Variants in SEMA5A observed in about 807,000 individuals in gnomAD.
The protein encoded by SEMA5A is semaphorin-5A.
A neutral mutation model predicts 135.5 loss-of-function variants in SEMA5A; 55 were observed. The observed-to-expected ratio is 0.41, with a 90% CI of 0.33 to 0.51. The LOEUF (loss-of-function observed/expected upper bound fraction) is 0.51, where lower values mean the gene tolerates loss of function less well. Ranked by LOEUF, SEMA5A falls within the 20% of genes least tolerant of loss-of-function variation. The pLI is 0.37. For synonymous variants in SEMA5A, 580 were observed against 546.5 expected (o/e 1.06, Z -0.85); for missense variants, 1,290 against 1,419.9 (o/e 0.91, Z 1.47).
intron 11 of SEMA5A, among the ~76,000 whole-genome samples, chr5:9,178,342 T>C (rs1744318224): frequency 6.7e-6 from 1 of 150,280 alleles, no homozygotes; most frequent in African/African-American, 2.5e-5. Context: ...TTTTTTTTTT[T>C]TTTTTGTTGA....
chr5:9,181,570 CT>C (rs939484947), intron 11 of SEMA5A, among the ~76,000 whole-genome samples: 28 of 152,112 alleles, frequency 1.8e-4, no homozygotes, highest in African/African-American at 6.8e-4. Flanking sequence ...CCCTTTGGTG[CT>C]TTATTTTGAG....
intron 1 of SEMA5A, among the ~76,000 whole-genome samples, chr5:9,477,037 T>C (rs1335821443): frequency 6.6e-6 from 1 of 152,158 alleles, no homozygotes; most frequent in Admixed American, 6.5e-5. Context: ...TAGGAGATGA[T>C]TGGATCCTGG....
At chr5:9,531,218 C>A (rs1029945014) in intron 1 of SEMA5A, among the ~76,000 whole-genome samples, 2 of 152,140 alleles carry the variant, frequency 1.3e-5, no homozygotes, top group African/African-American at 2.4e-5. Context: ...AGAGAGGTGA[C>A]CAGCTCCAAA....
At chr5:9,044,088 T>C (rs1393061709) in intron 22 of SEMA5A, among the ~76,000 whole-genome samples, 1 of 152,076 alleles carries the variant, frequency 6.6e-6, no homozygotes, top group African/African-American at 2.4e-5. Flanking sequence ...TTGTGGATCT[T>C]GGTTTAAGCA....
At chr5:9,329,801 G>C (rs768989778) in intron 4 of SEMA5A, among the ~76,000 whole-genome samples, 2 of 152,080 alleles carry the variant, frequency 1.3e-5, no homozygotes, top group Non-Finnish European at 2.9e-5. Context: ...AGACCACCTC[G>C]AGTGCCAAAA....
intron 5 of SEMA5A, among the ~76,000 whole-genome samples, chr5:9,271,164 T>C (rs893169767): frequency 3.3e-5 from 5 of 152,076 alleles, no homozygotes; most frequent in African/African-American, 9.7e-5. Flanking sequence ...TTTAAAAGCA[T>C]GTGGCACTCC....
intron 1 of SEMA5A, among the ~76,000 whole-genome samples, chr5:9,534,178 T>C (rs1737616094): frequency 6.6e-6 from 1 of 152,198 alleles, no homozygotes. Flanking sequence ...CACTGGGCCC[T>C]GAGGGCCTCC....
intron 3 of SEMA5A, among the ~76,000 whole-genome samples, chr5:9,338,922 A>G (rs1350455382): frequency 5.9e-5 from 9 of 152,184 alleles, no homozygotes; most frequent in Non-Finnish European, 1.0e-4. Context: ...GGTTCTGTAT[A>G]ATAAACATGT....
intron 5 of SEMA5A, among the ~76,000 whole-genome samples, chr5:9,244,889 TG>T (rs561642396): frequency 7.8e-4 from 119 of 152,236 alleles, no homozygotes; most frequent in Middle Eastern, 3.4e-3. Context: ...GCCCTGACAC[TG>T]GGAAGAAGAA....
At chr5:9,428,171 T>G (rs1175194510) in intron 2 of SEMA5A, among the ~76,000 whole-genome samples, 1 of 150,406 alleles carries the variant, frequency 6.6e-6, no homozygotes, top group Non-Finnish European at 1.5e-5. Flanking sequence ...TATCTATCCA[T>G]CCATCCATCC....
intron 5 of SEMA5A, among the ~76,000 whole-genome samples, chr5:9,293,973 T>C (rs4429819): frequency 0.88 from 133,813 of 152,216 alleles, 59,952 homozygotes; most frequent in East Asian, 0.97. Flanking sequence ...ATACAGTTAT[T>C]CTCCATGACT....
intron 5 of SEMA5A, among the ~76,000 whole-genome samples, chr5:9,297,073 A>G (rs1751372273): frequency 6.6e-6 from 1 of 152,068 alleles, no homozygotes; most frequent in South Asian, 2.1e-4. Context: ...ATGAGAAAAT[A>G]CATGAAAACA....
At chr5:9,345,675 C>G (rs897493621) in intron 3 of SEMA5A, among the ~76,000 whole-genome samples, 2 of 152,186 alleles carry the variant, frequency 1.3e-5, no homozygotes, top group African/African-American at 4.8e-5. Flanking sequence ...ACTCAGCAAG[C>G]ATCCTCCTTC....
At chr5:9,170,961 T>C (rs1161244957) in intron 11 of SEMA5A, among the ~76,000 whole-genome samples, 2 of 151,932 alleles carry the variant, frequency 1.3e-5, no homozygotes, top group Non-Finnish European at 2.9e-5. Flanking sequence ...GACCTACATA[T>C]TGGTTGGGTC....
At chr5:9,382,704 C>G (rs1755668890) in intron 2 of SEMA5A, among the ~76,000 whole-genome samples, 1 of 152,160 alleles carries the variant, frequency 6.6e-6, no homozygotes, top group African/African-American at 2.4e-5. Flanking sequence ...TGAGTGACAA[C>G]TGCATACTCA....
At chr5:9,153,455 G>C (rs1000839246) in intron 12 of SEMA5A, among the ~76,000 whole-genome samples, 1 of 152,156 alleles carries the variant, frequency 6.6e-6, no homozygotes, top group Non-Finnish European at 1.5e-5. Context: ...GTTGATCGTG[G>C]ATGTCCCACG....
chr5:9,335,178 C>T (rs1483962144), intron 4 of SEMA5A, among the ~76,000 whole-genome samples: 2 of 152,036 alleles, frequency 1.3e-5, no homozygotes, highest in East Asian at 3.9e-4. Context: ...GAGATAGAGA[C>T]TTCCAGGAAT....
In SEMA5A at chr5:9,041,713, TCTCCTG is replaced by T. The variant is rs1285390635; in HGVS notation, c.*1178_*1183del. On this transcript the variant is annotated 3_prime_UTR_variant, in exon 23 of 23. Coordinates refer to ENST00000382496, the MANE Select transcript of SEMA5A (RefSeq NM_003966.3). ...AAAGAAAAGGCACCAGAGCTGAGCA[TCTCCTG>T]CTCCCCTGGCCTGGAGGCAGCAAGT... 10 of 152,658 alleles carry T rather than the reference TCTCCTG, an allele frequency of 6.6e-5. No individual in the cohort carries two copies. Among genetic ancestry groups the T allele is most frequent in the African/African-American group, 2.4e-4 (10 of 41,510 alleles). 9.5% of individuals were successfully genotyped at this position (152,658 alleles called of 1,614,324 possible).
intron 1 of SEMA5A, among the ~76,000 whole-genome samples, chr5:9,538,778 A>G (rs1300018849): frequency 1.3e-5 from 2 of 152,228 alleles, no homozygotes; most frequent in Admixed American, 1.3e-4. Context: ...GTGTTTCAGT[A>G]TCAAAGAAAT....
Sources: gnomAD v4.1 joint callset for allele counts (sites outside exome capture counted in the v4.1 genomes callset) on GRCh38, gnomAD v4.1.1 for gene constraint, MANE v1.5 for transcripts, NCBI Gene and HGNC (gene_info 2026-07-23, HGNC 2026-07-21) for gene names.